Variants in EEFSEC observed in about 807,000 individuals in gnomAD.
The protein encoded by EEFSEC is eukaryotic elongation factor, selenocysteine-tRNA specific, also known as selenocysteine-specific elongation factor.
A neutral mutation model predicts 42.1 loss-of-function variants in EEFSEC; 43 were observed. The ratio of observed to expected loss-of-function variants is 1.02; its 90% CI spans 0.80 to 1.32. The LOEUF is 1.32. Ranked by LOEUF, EEFSEC falls within the 40% of genes most tolerant of loss-of-function variation. The pLI, the probability that EEFSEC is intolerant of heterozygous loss-of-function variation, is 0.00. For synonymous variants in EEFSEC, 354 were observed against 339.1 expected (o/e 1.04, Z -0.48); for missense variants, 745 against 803.6 (o/e 0.93, Z 0.88).
At chr3:128,309,178 A>G (rs952708694) in intron 4 of EEFSEC, among the ~76,000 whole-genome samples, 2 of 152,160 alleles carry the variant, frequency 1.3e-5, no homozygotes, top group African/African-American at 4.8e-5. Flanking sequence ...CATGGCTTGG[A>G]GAGGACCTGA....
chr3:128,405,719 G>A (rs1456235100), intron 6 of EEFSEC, among the ~76,000 whole-genome samples: 2 of 152,258 alleles, frequency 1.3e-5, no homozygotes, highest in African/African-American at 2.4e-5. Context: ...GCAGGACTGG[G>A]AAAAGGGAGG....
At chr3:128,418,300 C>G in the EEFSEC span, among the ~76,000 whole-genome samples, 2 of 152,106 alleles carry the variant, frequency 1.3e-5, no homozygotes, top group African/African-American at 4.8e-5. Flanking sequence ...AGTGTCTCTG[C>G]CAAGGCTCAA....
chr3:128,324,073 T>G (rs2067037286), intron 4 of EEFSEC, among the ~76,000 whole-genome samples: 1 of 152,144 alleles, frequency 6.6e-6, no homozygotes, highest in Admixed American at 6.5e-5. Context: ...CCTGGGTCCC[T>G]CAGCTGAATT....
At chr3:128,201,619 G>T (rs920443504) in intron 1 of EEFSEC, among the ~76,000 whole-genome samples, 3 of 152,068 alleles carry the variant, frequency 2.0e-5, no homozygotes, top group Non-Finnish European at 2.9e-5. Context: ...TCAGTCCTTT[G>T]TCAGATATAT....
At chr3:128,424,582 A>C in the EEFSEC span, among the ~76,000 whole-genome samples, 1 of 151,970 alleles carries the variant, frequency 6.6e-6, no homozygotes, top group Non-Finnish European at 1.5e-5. Context: ...ACATGGTCTC[A>C]CTATGTTCCC....
chr3:128,418,969 G>C, the EEFSEC span, among the ~76,000 whole-genome samples: 1 of 152,182 alleles, frequency 6.6e-6, no homozygotes, highest in Admixed American at 6.5e-5. Context: ...ATCCCAGTCA[G>C]TAATGCTCTT....
intron 6 of EEFSEC, chr3:128,362,304 C>T (rs753884330): frequency 4.1e-6 from 2 of 482,806 alleles, no homozygotes; most frequent in African/African-American, 2.0e-5. Context: ...GAAAAGAACA[C>T]CTTGATGACT....
chr3:128,405,147 G>T (rs927103421), intron 6 of EEFSEC, among the ~76,000 whole-genome samples: 8 of 151,932 alleles, frequency 5.3e-5, no homozygotes, highest in African/African-American at 2.4e-5. Context: ...CTCTCGAGTA[G>T]CTGGGACTAT....
chr3:128,373,753 G>T (rs1222539483), intron 6 of EEFSEC, among the ~76,000 whole-genome samples: 1 of 152,134 alleles, frequency 6.6e-6, no homozygotes, highest in Non-Finnish European at 1.5e-5. Context: ...CCTTGGGGTG[G>T]GTCAGCTCTG....
intron 4 of EEFSEC, among the ~76,000 whole-genome samples, chr3:128,298,262 C>T (rs542195569): frequency 6.6e-6 from 1 of 152,302 alleles, no homozygotes; most frequent in African/African-American, 2.4e-5. Context: ...ATCTTCCTAC[C>T]TCAGCCTCCT....
intron 2 of EEFSEC, among the ~76,000 whole-genome samples, chr3:128,251,858 C>T (rs2066190654): frequency 6.6e-6 from 1 of 152,156 alleles, no homozygotes; most frequent in African/African-American, 2.4e-5. Flanking sequence ...TAAAATTACT[C>T]TTGCATAAGC....
intron 4 of EEFSEC, among the ~76,000 whole-genome samples, chr3:128,325,201 A>T (rs2067051335): frequency 6.6e-6 from 1 of 152,156 alleles, no homozygotes; most frequent in Admixed American, 6.5e-5. Flanking sequence ...TTCCTGGGGA[A>T]GGGGGAAGGG....
chr3:128,359,455 A>G (rs916425529), intron 6 of EEFSEC, among the ~76,000 whole-genome samples: 1 of 152,142 alleles, frequency 6.6e-6, no homozygotes, highest in Non-Finnish European at 1.5e-5. Flanking sequence ...ATCAAGGCTC[A>G]CTAAAGCCTT....
intron 5 of EEFSEC, among the ~76,000 whole-genome samples, chr3:128,353,827 C>G (rs747608329): frequency 6.6e-6 from 1 of 152,236 alleles, no homozygotes; most frequent in African/African-American, 2.4e-5. Context: ...ACTGAGCCCC[C>G]TGTTCCCGAC....
chr3:128,285,257 G>T (rs1576607387), intron 4 of EEFSEC, among the ~76,000 whole-genome samples: 1 of 152,156 alleles, frequency 6.6e-6, no homozygotes, highest in African/African-American at 2.4e-5. Context: ...AGAAAACCAT[G>T]TGTGGGGAAG....
At chr3:128,423,831 T>C in the EEFSEC span, among the ~76,000 whole-genome samples, 1 of 152,232 alleles carries the variant, frequency 6.6e-6, no homozygotes, top group Non-Finnish European at 1.5e-5. Flanking sequence ...ATGTAAGTTA[T>C]AGCTCAATAA....
intron 1 of EEFSEC, among the ~76,000 whole-genome samples, chr3:128,196,506 A>G (rs2065586257): frequency 6.6e-6 from 1 of 152,232 alleles, no homozygotes; most frequent in Non-Finnish European, 1.5e-5. Flanking sequence ...AAGGAAGAAA[A>G]TAATAATCAT....
chr3:128,261,887 A>G (rs947624419), intron 2 of EEFSEC, among the ~76,000 whole-genome samples: 6 of 152,170 alleles, frequency 3.9e-5, no homozygotes, highest in Non-Finnish European at 1.5e-5. Context: ...AATATCTAAG[A>G]GAGCCCTTTA....
chr3:128,295,673 A>T (rs1559907690), intron 4 of EEFSEC, among the ~76,000 whole-genome samples: 1 of 150,006 alleles, frequency 6.7e-6, no homozygotes, highest in East Asian at 2.0e-4. Flanking sequence ...GTTTGGGAGA[A>T]GTCACGTGGT....
Sources: gnomAD v4.1 joint callset for allele counts (sites outside exome capture counted in the v4.1 genomes callset) on GRCh38, gnomAD v4.1.1 for gene constraint, MANE v1.5 for transcripts, NCBI Gene and HGNC (gene_info 2026-07-23, HGNC 2026-07-21) for gene names.